Variants in KAT7 observed in about 807,000 individuals in gnomAD.
KAT7 encodes lysine acetyltransferase 7.
A neutral mutation model predicts 82.1 loss-of-function variants in KAT7; 10 were observed. That is an observed-to-expected ratio of 0.12 (90% CI 0.08 to 0.21). The LOEUF is 0.21. Ranked by LOEUF, KAT7 falls within the 10% of genes least tolerant of loss-of-function variation. KAT7 has a pLI of 1.00. For missense variants in KAT7, 378 were observed against 760.9 expected, an observed-to-expected ratio of 0.50 and a Z score of 5.92; for synonymous variants, 250 against 262.5, an observed-to-expected ratio of 0.95 and a Z score of 0.46.
At chr17:49,813,295 G>A (rs2074192956) in intron 7 of KAT7, among the ~76,000 whole-genome samples, 1 of 152,020 alleles carries the variant, frequency 6.6e-6, no homozygotes, top group African/African-American at 2.4e-5. Context: ...CTGTTTTTGT[G>A]TTAATTTGCT....
chr17:49,824,918 T>G (rs2074351215), intron 12 of KAT7, among the ~76,000 whole-genome samples: 1 of 152,136 alleles, frequency 6.6e-6, no homozygotes, highest in Non-Finnish European at 1.5e-5. Context: ...ATAAGGTCTA[T>G]TACACCTTAA....
chr17:49,805,287 A>G lies in KAT7; in HGVS notation c.581-76A>G, dbSNP rs2074077441. ...GATAAAAATGATGTAGCAAAAAAAC[A>G]GGTTTGTCTTAGAGAAACATACTAC... is the stretch of plus-strand genomic sequence containing the variant. On this transcript the variant is annotated intron_variant, in intron 4 of 14. Transcript: ENST00000259021. 6.2e-6 allele frequency: 6 copies of G among 972,970 alleles called. No individual in the cohort carries two copies. The South Asian group carries it at 8.1e-5, about 13-fold the overall frequency. 60.3% of individuals were successfully genotyped at this position (972,970 alleles called of 1,614,324 possible). A position where few individuals can be genotyped will look rare whatever the true frequency, so the allele number is the denominator to read the frequency against.
chr17:49,803,387 C>T (rs559815048), intron 4 of KAT7, among the ~76,000 whole-genome samples: 101 of 149,778 alleles, frequency 6.7e-4, no homozygotes, highest in African/African-American at 2.0e-3. Flanking sequence ...TGTGAGCCAC[C>T]GTGCCTGGCC....
At chr17:49,806,627 GT>G (rs2074094993) in intron 5 of KAT7, among the ~76,000 whole-genome samples, 1 of 152,162 alleles carries the variant, frequency 6.6e-6, no homozygotes, top group Admixed American at 6.5e-5. Flanking sequence ...TCTACCACTT[GT>G]CTCTAAATAC....
intron 12 of KAT7, chr17:49,824,643 G>A (rs991416359): frequency 1.6e-4 from 24 of 152,194 alleles, no homozygotes; most frequent in African/African-American, 5.8e-4. Flanking sequence ...TTACAGGCGT[G>A]AGCCACCTTG....
intron 11 of KAT7, among the ~76,000 whole-genome samples, chr17:49,822,941 G>A (rs2074324211): frequency 6.6e-6 from 1 of 152,080 alleles, no homozygotes; most frequent in African/African-American, 2.4e-5. Context: ...TAAACTTCTT[G>A]CCCTACTCTG....
In KAT7 at chr17:49,818,000, C is replaced by T. The variant is rs1319120269; in HGVS notation, c.1144C>T (p.Arg382Cys). Reference sequence around the variant, plus strand: ...ATATATGAAGAGCCAAACGATACTCCGCCGGCACATGGTGAGTTGTCTTGG... The same window carrying T: ...ATATATGAAGAGCCAAACGATACTCTGCCGGCACATGGTGAGTTGTCTTGG... ...LKYMKSQTIL[R>C]RHMAKCVWKH... The change falls in exon 9 of 15, where the codon CGC becomes TGC. Residue 382 changes from arginine to cysteine, a missense_variant. Arg to Cys is a radical substitution (Grantham distance 180, BLOSUM62 -3). Around this residue, in one of 6 missense-constraint regions of KAT7, gnomAD observed 37 missense variants for 98.6 expected, o/e 0.38. Transcript: ENST00000259021. 4 of 1,613,172 alleles carry T rather than the reference C, an allele frequency of 2.5e-6. No homozygotes were observed. The highest frequency in any genetic ancestry group is 2.5e-6 in the Non-Finnish European group (3 of 1,179,338).
chr17:49,813,054 G>C (rs1216963620), intron 7 of KAT7, among the ~76,000 whole-genome samples: 1 of 148,878 alleles, frequency 6.7e-6, no homozygotes, highest in Non-Finnish European at 1.5e-5. Flanking sequence ...TTTAGATAAG[G>C]GTGTACATGT....
At position 49,813,000 on chromosome 17, in the gene KAT7, CTTTTTTT is replaced by C. The variant is rs34339283; in HGVS notation, c.852+1444_852+1450del. 6.8e-5 allele frequency among the ~76,000 whole-genome samples: 7 copies of C among 102,796 alleles called. No individual in the cohort carries two copies. The East Asian group carries it at 1.9e-3, about 28-fold the overall frequency. The allele number at this position is 102,796 out of a possible 152,430, so 67.4% of individuals were successfully genotyped here. On this transcript the variant is annotated intron_variant, in intron 7 of 14. Coordinates refer to ENST00000259021, the MANE Select transcript of KAT7 (RefSeq NM_007067.5). ...ATAGGCATGAGCCACTGCACCCAGC[CTTTTTTT>C]TTTTTTTTTTTTTTTTTAAATTTAT...
chr17:49,824,684 C>T (rs2074347513), intron 12 of KAT7: 1 of 152,160 alleles, frequency 6.6e-6, no homozygotes, highest in Admixed American at 6.6e-5. Flanking sequence ...TTTAAGTCAC[C>T]TGAGAAGAGA....
intron 12 of KAT7, chr17:49,823,551 C>T: frequency 2.6e-6 from 1 of 381,662 alleles, no homozygotes; most frequent in Non-Finnish European, 4.8e-6. Flanking sequence ...TAGGATTATC[C>T]CAGTTTGAGA....
intron 6 of KAT7, among the ~76,000 whole-genome samples, chr17:49,810,841 A>G (rs1265672160): frequency 6.6e-6 from 1 of 152,114 alleles, no homozygotes. Flanking sequence ...TGCCATATTC[A>G]TGAAAAATTT....
chr17:49,806,986 A>G (rs2074099333), intron 5 of KAT7, among the ~76,000 whole-genome samples: 1 of 152,194 alleles, frequency 6.6e-6, no homozygotes, highest in African/African-American at 2.4e-5. Context: ...ATTTATTAAC[A>G]GCTCTAGTGT....
In KAT7 at chr17:49,827,621, A is replaced by G; in HGVS notation, c.*119A>G. On this transcript the variant is annotated 3_prime_UTR_variant, in exon 15 of 15. Coordinates refer to ENST00000259021, the MANE Select transcript of KAT7 (RefSeq NM_007067.5). ...AAGTACAGTATCCTTTGGGAAGGCC[A>G]TCCCCCTCAGGACTGTCCTGGCTCC... 1 of 690,184 alleles carries G rather than the reference A, an allele frequency of 1.4e-6. No individual in the cohort carries two copies. The highest frequency in any genetic ancestry group is 2.6e-6 in the Non-Finnish European group (1 of 382,644). 42.8% of individuals were successfully genotyped at this position (690,184 alleles called of 1,614,324 possible).
intron 11 of KAT7, 149 bp downstream of exon 11, chr17:49,821,939 C>A: frequency 1.4e-6 from 1 of 691,472 alleles, no homozygotes; most frequent in South Asian, 1.7e-5. Flanking sequence ...AAAAGGCAAA[C>A]CCATGTATCA....
At chr17:49,825,296 TA>T (rs1239396812) in intron 12 of KAT7, among the ~76,000 whole-genome samples, 4 of 152,230 alleles carry the variant, frequency 2.6e-5, no homozygotes, top group Non-Finnish European at 5.9e-5. Flanking sequence ...TCATAGGTGG[TA>T]CTGAGCTAAT....
intron 14 of KAT7, 123 bp from the exon 15 acceptor site, chr17:49,827,278 T>C (rs79136338): frequency 1.6e-6 from 1 of 634,640 alleles, no homozygotes; most frequent in East Asian, 2.7e-5. Context: ...AGTATTTTTT[T>C]TGATACCCTA....
chr17:49,829,224 G>A lies in KAT7; in HGVS notation c.*1722G>A, dbSNP rs2144008644. 1 of 152,342 alleles carries A rather than the reference G, an allele frequency of 6.6e-6. No individual in the cohort carries two copies. The highest frequency in any genetic ancestry group is 1.5e-5 in the Non-Finnish European group (1 of 68,026). 9.4% of individuals were successfully genotyped at this position (152,342 alleles called of 1,614,324 possible). The stretch of plus-strand genomic sequence containing the variant: ...GTTGAGGGATGTGGTTTGTGGCTAT[G>A]GAATGTTTTTCCCTGTGATACAGGC... On this transcript the variant is annotated 3_prime_UTR_variant, in exon 15 of 15. Transcript: ENST00000259021.
intron 7 of KAT7, among the ~76,000 whole-genome samples, chr17:49,812,544 A>G (rs1260734544): frequency 6.6e-6 from 1 of 151,776 alleles, no homozygotes; most frequent in Non-Finnish European, 1.5e-5. Context: ...TTTTTTTAGG[A>G]AAAGATTTTA....
Sources: allele counts gnomAD v4.1 joint callset (sites outside exome capture counted in the v4.1 genomes callset), GRCh38; gene constraint gnomAD v4.1.1; regional missense constraint gnomAD v4.1.1; transcripts MANE v1.5; gene names NCBI Gene and HGNC (gene_info 2026-07-23, HGNC 2026-07-21).